SNRPN: variants seen among roughly 807,000 people sequenced by gnomAD.
The protein encoded by SNRPN is small nuclear ribonucleoprotein polypeptide N, also known as small nuclear ribonucleoprotein-associated protein N.
Under a neutral mutation model 25.2 loss-of-function variants are expected in SNRPN, and 7 were observed. That is an observed-to-expected ratio of 0.28 (90% CI 0.16 to 0.52). The LOEUF is 0.52. Ranked by LOEUF, SNRPN falls within the 20% of genes least tolerant of loss-of-function variation. The probability of loss-of-function intolerance (pLI) is 0.96; values close to 1 mark genes in which losing one functional copy is unlikely to be tolerated. For missense variants in SNRPN, 196 were observed against 322.5 expected (o/e 0.61, Z 3.00); for synonymous variants, 124 against 110.6 (o/e 1.12, Z -0.76).
chr15:24,952,031 G>A (rs117062184), upstream of SNRPN, among the ~76,000 whole-genome samples: 2 of 151,756 alleles, frequency 1.3e-5, no homozygotes, highest in East Asian at 1.9e-4. Context: ...AAGGTTACAC[G>A]GATTTATATA....
At chr15:24,902,807 T>A (rs182828635) in intron 2 of SNRPN, among the ~76,000 whole-genome samples, 2 of 152,248 alleles carry the variant, frequency 1.3e-5, no homozygotes, top group African/African-American at 4.8e-5. Flanking sequence ...TACAAGCTCG[T>A]AAAGGTAGTG....
intron 2 of SNRPN, among the ~76,000 whole-genome samples, chr15:24,895,233 C>T (rs2058000843): frequency 6.6e-6 from 1 of 152,096 alleles, no homozygotes; most frequent in Middle Eastern, 3.2e-3. Flanking sequence ...GTCAAAAAGC[C>T]CTTCCCAGGT....
At position 24,867,398 on chromosome 15, in the gene SNRPN, G is replaced by A. The variant is rs960419089; in HGVS notation, c.-579+10682G>A. On this transcript the variant is annotated intron_variant, in intron 1 of 11. Transcript: ENST00000400097. ...TAAGTTTTTTTTTTTTGGGGGGGAC[G>A]GAGTCTCACTCTGTCGCCCAGGCTG... Among the ~76,000 whole-genome samples, 266 of 146,384 alleles carry A rather than the reference G, an allele frequency of 1.8e-3. 1 individual carries two copies. The highest frequency in any genetic ancestry group is 6.3e-3 in the African/African-American group (254 of 40,006).
rs553415445 is a variant in SNRPN at position 24,838,331 on chromosome 15, G to A, written c.-579+8426G>A. Among the ~76,000 whole-genome samples, 233 of 152,252 alleles carry A rather than the reference G, an allele frequency of 1.5e-3. 2 individuals are homozygous for A. The highest frequency in any genetic ancestry group is 0.01 in the Middle Eastern group (3 of 294). On this transcript the variant is annotated intron_variant, in intron 2 of 12. Transcript: ENST00000400100. The stretch of plus-strand genomic sequence containing the variant: ...ATTACAGGCGTGAGCCACCATGCCC[G>A]GCGCCAACTCTTTAATTTTTAAAAT...
chr15:24,907,709 A>G (rs982141003), intron 2 of SNRPN, among the ~76,000 whole-genome samples: 1 of 151,266 alleles, frequency 6.6e-6, no homozygotes, highest in African/African-American at 2.4e-5. Flanking sequence ...GCCTCCCAAA[A>G]TGCTGGCACT....
chr15:24,881,136 A>G (rs1469206799), intron 1 of SNRPN, among the ~76,000 whole-genome samples: 1 of 152,168 alleles, frequency 6.6e-6, no homozygotes, highest in Non-Finnish European at 1.5e-5. Flanking sequence ...TGTTCAAAGC[A>G]TAGAAAGGTA....
At chr15:24,867,154 A>G (rs1196530165) in intron 1 of SNRPN, among the ~76,000 whole-genome samples, 1 of 152,044 alleles carries the variant, frequency 6.6e-6, no homozygotes, top group Non-Finnish European at 1.5e-5. Context: ...CAGCGTTGGG[A>G]TTGCTAGATC....
intron 1 of SNRPN, among the ~76,000 whole-genome samples, chr15:24,865,149 C>T (rs547385443): frequency 5.3e-5 from 8 of 151,054 alleles, no homozygotes; most frequent in South Asian, 2.1e-4. Context: ...CAGGTTCAAG[C>T]GATTCACCTG....
chr15:24,922,220 G>C (rs188249598), intron 3 of SNRPN, among the ~76,000 whole-genome samples: 2 of 152,078 alleles, frequency 1.3e-5, no homozygotes, highest in African/African-American at 4.8e-5. Context: ...TCTCAAAAAA[G>C]AGAAAAGAAA....
At chr15:24,973,197 G>A (rs1300915138) in intron 3 of SNRPN, among the ~76,000 whole-genome samples, 1 of 151,928 alleles carries the variant, frequency 6.6e-6, no homozygotes, top group African/African-American at 2.4e-5. Context: ...CCTCTTCTCT[G>A]TTTAACATTG....
chr15:24,950,055 C>T (rs2062144355), upstream of SNRPN, among the ~76,000 whole-genome samples: 1 of 152,124 alleles, frequency 6.6e-6, no homozygotes, highest in South Asian at 2.1e-4. Context: ...CTCCTGAGTT[C>T]AAGCAATCCT....
Position 24,908,836 on chromosome 15 carries a change from A to G in SNRPN, c.-504-11175A>G, listed in dbSNP as rs1358282969. On this transcript the variant is annotated intron_variant, in intron 2 of 11. Coordinates refer to the SNRPN transcript ENST00000400097. ...TGGAAATCTTTCTCTAGAGTCTTGG[A>G]AAGCTTTTTAATCTTTTTTTCTTTT... The G allele has an allele frequency of 3.4e-5, 19 of 559,278 alleles. No individual in the cohort carries two copies. In the East Asian group the frequency reaches 5.7e-4, roughly 17 times the overall value. 34.6% of individuals were successfully genotyped at this position (559,278 alleles called of 1,614,324 possible).
chr15:24,836,448 G>A (rs1277521321), intron 2 of SNRPN, among the ~76,000 whole-genome samples: 3 of 151,720 alleles, frequency 2.0e-5, no homozygotes, highest in African/African-American at 7.3e-5. Context: ...CCTCACTTCT[G>A]TTGCCCAGGC....
chr15:24,832,797 T>C (rs7178705), intron 2 of SNRPN, among the ~76,000 whole-genome samples: 89,570 of 151,694 alleles, frequency 0.59, 26,739 homozygotes, highest in East Asian at 0.83. Flanking sequence ...GTACAGATGA[T>C]GAACGTAGAA....
rs143211402 is a variant in SNRPN at position 24,922,771 on chromosome 15, C to T, written c.-391+2647C>T. ...GTTCTCTCATTATATATAATATATA[C>T]AGCATGTAGCATGTATCTTTCTCAC... On this transcript the variant is annotated intron_variant, in intron 3 of 11. Transcript: ENST00000400097. Among the ~76,000 whole-genome samples, 19 of 150,278 alleles carry T rather than the reference C, an allele frequency of 1.3e-4. No homozygotes were observed. In the East Asian group the frequency reaches 2.7e-3, roughly 21 times the overall value.
chr15:24,974,064 G>GT (rs2076783506), intron 3 of SNRPN, among the ~76,000 whole-genome samples: 1 of 152,170 alleles, frequency 6.6e-6, no homozygotes, highest in Admixed American at 6.5e-5. Context: ...ATGACGCTTA[G>GT]TTTTTGAAAC....
At chr15:24,906,098 C>A (rs1375174484) in intron 2 of SNRPN, among the ~76,000 whole-genome samples, 2 of 152,032 alleles carry the variant, frequency 1.3e-5, no homozygotes, top group African/African-American at 4.8e-5. Context: ...ATCAAAAGAA[C>A]CAGGGAGAAT....
At chr15:24,825,019 T>G (rs1595299668) in intron 1 of SNRPN, among the ~76,000 whole-genome samples, 1 of 152,098 alleles carries the variant, frequency 6.6e-6, no homozygotes, top group Admixed American at 6.5e-5. Context: ...CTCAATCTTA[T>G]GGTCTAAAAG....
chr15:24,866,810 T>C (rs956068502), intron 1 of SNRPN, among the ~76,000 whole-genome samples: 2 of 152,192 alleles, frequency 1.3e-5, no homozygotes, highest in African/African-American at 4.8e-5. Context: ...ATGCTTAACA[T>C]TTCAGTTAAC....
Sources: allele counts gnomAD v4.1 joint callset (sites outside exome capture counted in the v4.1 genomes callset), GRCh38; gene constraint gnomAD v4.1.1; transcripts MANE v1.5; gene names NCBI Gene and HGNC (gene_info 2026-07-23, HGNC 2026-07-21).